Variants in RBM19 observed in about 807,000 individuals in gnomAD.
RBM19 encodes probable RNA-binding protein 19.
RBM19 carries 94 observed loss-of-function variants against 116.8 expected under a neutral mutation model. That is an observed-to-expected ratio of 0.80 (90% CI 0.68 to 0.95). RBM19 has a LOEUF of 0.95. RBM19 is among the 40% of genes least tolerant of loss of function. RBM19 has a pLI of 0.00. For synonymous variants in RBM19, 475 were observed against 494.1 expected (o/e 0.96, Z 0.51); for missense variants, 1,161 against 1,220.7 (o/e 0.95, Z 0.73).
intron 13 of RBM19, among the ~76,000 whole-genome samples, chr12:113,943,406 G>A (rs955347510): frequency 5.3e-5 from 8 of 152,112 alleles, no homozygotes; most frequent in Non-Finnish European, 1.0e-4. Context: ...CCCTCAGTAT[G>A]TGAAATGCAA....
chr12:113,861,474 CTGTGTGTGTGTGTG>C (rs57704604), intron 21 of RBM19, among the ~76,000 whole-genome samples: 1,955 of 126,498 alleles, frequency 0.015, 57 homozygotes, highest in African/African-American at 0.056. Flanking sequence ...AAGCCAGACT[CTGTGTGTGTGTGTG>C]TGTGTGTGTG....
intron 15 of RBM19, among the ~76,000 whole-genome samples, chr12:113,937,466 G>A (rs1249649387): frequency 1.3e-5 from 2 of 152,110 alleles, no homozygotes; most frequent in Non-Finnish European, 2.9e-5. Context: ...GTGGGACGAG[G>A]AGCGACCACA....
chr12:113,883,117 A>C (rs1400087883), intron 21 of RBM19, among the ~76,000 whole-genome samples: 2 of 152,240 alleles, frequency 1.3e-5, no homozygotes, highest in Non-Finnish European at 2.9e-5. Context: ...AAAAACAGAG[A>C]GATAACTTTG....
intron 23 of RBM19, among the ~76,000 whole-genome samples, chr12:113,841,038 G>C (rs1292604297): frequency 6.6e-6 from 1 of 152,214 alleles, no homozygotes; most frequent in Non-Finnish European, 1.5e-5. Flanking sequence ...CATACTCGGG[G>C]AGCCCAGAGC....
intron 21 of RBM19, among the ~76,000 whole-genome samples, chr12:113,865,900 A>AG (rs1878769254): frequency 6.6e-6 from 1 of 151,972 alleles, no homozygotes; most frequent in Non-Finnish European, 1.5e-5. Context: ...ATGATGTTCA[A>AG]ATCATGTGCT....
intron 23 of RBM19, among the ~76,000 whole-genome samples, chr12:113,830,583 G>GT: frequency 9.9e-6 from 1 of 101,112 alleles, no homozygotes; most frequent in South Asian, 5.6e-4. Context: ...GGCGGGGGGG[G>GT]GGGGGGTGGG....
At chr12:113,960,485 T>C (rs772398841) in intron 2 of RBM19, among the ~76,000 whole-genome samples, 10 of 152,214 alleles carry the variant, frequency 6.6e-5, no homozygotes, top group Non-Finnish European at 1.2e-4. Flanking sequence ...GAGCCTCTCA[T>C]GTCAGTGACA....
chr12:113,953,623 C>T (rs1301244719), intron 7 of RBM19, among the ~76,000 whole-genome samples: 1 of 151,962 alleles, frequency 6.6e-6, no homozygotes, highest in Non-Finnish European at 1.5e-5. Context: ...TTAATAATAC[C>T]CAGGGTTCAG....
chr12:113,897,915 C>A (rs1881448338), intron 21 of RBM19, among the ~76,000 whole-genome samples: 1 of 152,230 alleles, frequency 6.6e-6, no homozygotes, highest in African/African-American at 2.4e-5. Context: ...GGTAAACAGA[C>A]TCACAGGACA....
At chr12:113,864,237 T>G (rs542620814) in intron 21 of RBM19, among the ~76,000 whole-genome samples, 3 of 152,278 alleles carry the variant, frequency 2.0e-5, no homozygotes, top group Admixed American at 2.0e-4. Flanking sequence ...CAGCCAAAGA[T>G]GATGCAGAGT....
In RBM19 at chr12:113,861,474, C is replaced by CTGTGTGTGTGTGTGTGTGTG. The variant is rs57704604; in HGVS notation, c.2559-2598_2559-2579dup. On this transcript the variant is annotated intron_variant, in intron 21 of 23. Coordinates refer to ENST00000261741, the MANE Select transcript of RBM19 (RefSeq NM_016196.4). ...GCCCAGATTTCTGGTAAGCCAGACT[C>CTGTGTGTGTGTGTGTGTGTG]TGTGTGTGTGTGTGTGTGTGTGTGT... Among the ~76,000 whole-genome samples, 94 of 126,500 alleles carry CTGTGTGTGTGTGTGTGTGTG rather than the reference C, an allele frequency of 7.4e-4. 1 individual carries two copies. The highest frequency in any genetic ancestry group is 2.3e-3 in the East Asian group (9 of 3,966). 83.0% of individuals were successfully genotyped at this position (126,500 alleles called of 152,430 possible).
intron 21 of RBM19, among the ~76,000 whole-genome samples, chr12:113,912,391 T>A (rs1882487873): frequency 6.6e-6 from 1 of 152,196 alleles, no homozygotes; most frequent in South Asian, 2.1e-4. Context: ...TCGCTGTCAT[T>A]TGGTCCCACT....
At chr12:113,918,946 C>G (rs1001066271) in intron 19 of RBM19, among the ~76,000 whole-genome samples, 1 of 152,188 alleles carries the variant, frequency 6.6e-6, no homozygotes, top group Non-Finnish European at 1.5e-5. Flanking sequence ...CACAGAGCTT[C>G]GTAGGAACAA....
At chr12:113,899,401 T>C (rs1192138523) in intron 21 of RBM19, among the ~76,000 whole-genome samples, 1 of 152,196 alleles carries the variant, frequency 6.6e-6, no homozygotes, top group Non-Finnish European at 1.5e-5. Flanking sequence ...CCTTGTATCT[T>C]ACAGCAAACC....
chr12:113,850,864 G>A (rs909843429), intron 22 of RBM19, among the ~76,000 whole-genome samples: 1 of 152,196 alleles, frequency 6.6e-6, no homozygotes, highest in Non-Finnish European at 1.5e-5. Flanking sequence ...CAACCCCTCC[G>A]AAACCTGCTG....
Position 113,946,021 on chromosome 12 carries a change from T to A in RBM19, c.1530-97A>T, listed in dbSNP as rs1183445717. On this transcript the variant is annotated intron_variant, in intron 12 of 23. Coordinates refer to ENST00000261741, the MANE Select transcript of RBM19 (RefSeq NM_016196.4). ...CCTGTAAGAAATGGGCTCCTAGGCC[T>A]GCCTATCTACATGCCCCCAATTTCC... The A allele has an allele frequency of 7.0e-6, 8 of 1,150,448 alleles. No homozygotes were observed. In the African/African-American group the frequency reaches 7.7e-5, roughly 11 times the overall value. The allele number at this position is 1,150,448 out of a possible 1,614,324, so 71.3% of individuals were successfully genotyped here.
chr12:113,858,768 G>C (rs1470426030), intron 22 of RBM19, 23 bp downstream of exon 22: 1 of 1,608,810 alleles, frequency 6.2e-7, no homozygotes, highest in South Asian at 1.1e-5. Context: ...CTGGACAGGT[G>C]GGGAAGGGAT....
chr12:113,846,033 T>C (rs938468109), intron 22 of RBM19, among the ~76,000 whole-genome samples: 4 of 152,248 alleles, frequency 2.6e-5, no homozygotes, highest in Non-Finnish European at 4.4e-5. Flanking sequence ...AATTACTCAA[T>C]AGATGCTACT....
At chr12:113,907,400 G>A (rs1882134395) in intron 21 of RBM19, among the ~76,000 whole-genome samples, 1 of 152,180 alleles carries the variant, frequency 6.6e-6, no homozygotes. Flanking sequence ...CAACGCCAGA[G>A]GAATGCCAGG....
Sources: allele counts gnomAD v4.1 joint callset (sites outside exome capture counted in the v4.1 genomes callset), GRCh38; gene constraint gnomAD v4.1.1; transcripts MANE v1.5; gene names NCBI Gene and HGNC (gene_info 2026-07-23, HGNC 2026-07-21).